KIAA1328: variants seen among roughly 807,000 people sequenced by gnomAD.
KIAA1328 encodes KIAA1328.
A neutral mutation model predicts 68.1 loss-of-function variants in KIAA1328; 52 were observed. That is an observed-to-expected ratio of 0.76 (90% CI 0.61 to 0.96). The LOEUF (loss-of-function observed/expected upper bound fraction) is 0.96. KIAA1328 is among the 40% of genes least tolerant of loss of function. The pLI, the probability that KIAA1328 is intolerant of heterozygous loss-of-function variation, is 0.00. For missense variants in KIAA1328, 641 were observed against 677.6 expected, an observed-to-expected ratio of 0.95 and a Z score of 0.60; for synonymous variants, 232 against 239.4, an observed-to-expected ratio of 0.97 and a Z score of 0.28.
At chr18:36,897,326 G>C (rs933238557) in intron 5 of KIAA1328, among the ~76,000 whole-genome samples, 2 of 151,978 alleles carry the variant, frequency 1.3e-5, no homozygotes, top group Non-Finnish European at 2.9e-5. Flanking sequence ...AATGTGGCCT[G>C]GAAAATCCAG....
In KIAA1328 at chr18:37,197,285, A is replaced by C. The variant is rs549737213; in HGVS notation, c.1523+24204A>C. Reference sequence around the variant, plus strand: ...TAAAAACCTACTTTTTGTTTTGTTGATCTTTAAAAATTTTTTGTCTCAATT... The same window carrying C: ...TAAAAACCTACTTTTTGTTTTGTTGCTCTTTAAAAATTTTTTGTCTCAATT... On this transcript the variant is annotated intron_variant, in intron 9 of 9. Transcript: ENST00000280020. Among the ~76,000 whole-genome samples the C allele has an allele frequency of 4.0e-5, 6 of 151,224 alleles. No homozygotes were observed. The East Asian group carries it at 1.2e-3, about 29-fold the overall frequency.
At chr18:37,169,298 T>C (rs2059452543) in intron 8 of KIAA1328, among the ~76,000 whole-genome samples, 1 of 151,932 alleles carries the variant, frequency 6.6e-6, no homozygotes, top group African/African-American at 2.4e-5. Flanking sequence ...CCTGAGTAAC[T>C]GGGATTACAG....
chr18:36,995,665 C>CAT (rs1236103692), intron 6 of KIAA1328, among the ~76,000 whole-genome samples: 2 of 152,172 alleles, frequency 1.3e-5, no homozygotes, highest in Admixed American at 6.5e-5. Flanking sequence ...CTTAAAATTG[C>CAT]ATATACAATG....
rs1491360015 is a variant in KIAA1328 at position 37,133,526 on chromosome 18, T to TA, written c.1233-26674_1233-26673insA. 1.5e-3 allele frequency among the ~76,000 whole-genome samples: 62 copies of TA among 42,394 alleles called. 1 individual carries two copies. The highest frequency in any genetic ancestry group is 0.013 in the African/African-American group (62 of 4,652). The allele number at this position is 42,394 out of a possible 152,430, so 27.8% of individuals were successfully genotyped here. On this transcript the variant is annotated intron_variant, in intron 7 of 9. Coordinates refer to ENST00000280020, the MANE Select transcript of KIAA1328 (RefSeq NM_020776.3). ...AAAAGTCAACTTTTCTATATAGTAA[T>TA]TTTTTTTTTTTTTTTTTGAGACGGA...
In KIAA1328 at chr18:36,876,862, T is replaced by TC. The variant is rs1177978138; in HGVS notation, c.333-8694dup. Among the ~76,000 whole-genome samples the TC allele has an allele frequency of 5.9e-5, 9 of 152,338 alleles. No homozygotes were observed. In the East Asian group the frequency reaches 1.5e-3, roughly 26 times the overall value. On this transcript the variant is annotated intron_variant, in intron 4 of 9. Transcript: ENST00000280020. ...ACCGCTTTAGCTGTGTCTCAGAGAT[T>TC]CTGGTACGTTGTGTCATTATTCTCG...
intron 7 of KIAA1328, among the ~76,000 whole-genome samples, chr18:37,138,410 T>C (rs1010759193): frequency 6.6e-6 from 1 of 152,178 alleles, no homozygotes; most frequent in Non-Finnish European, 1.5e-5. Flanking sequence ...ACTCTTCTCT[T>C]TCCTACACCA....
intron 9 of KIAA1328, among the ~76,000 whole-genome samples, chr18:37,219,583 A>C (rs1004554304): frequency 2.6e-5 from 4 of 152,150 alleles, no homozygotes; most frequent in African/African-American, 9.7e-5. Context: ...TCGATCTCAG[A>C]CTGCTGCACT....
chr18:36,849,512 A>C (rs904186550), intron 4 of KIAA1328, among the ~76,000 whole-genome samples: 1 of 152,054 alleles, frequency 6.6e-6, no homozygotes, highest in African/African-American at 2.4e-5. Flanking sequence ...AACTGGAATT[A>C]TAGAATATGG....
At chr18:37,098,888 G>A (rs2057504798) in intron 7 of KIAA1328, among the ~76,000 whole-genome samples, 1 of 152,134 alleles carries the variant, frequency 6.6e-6, no homozygotes, top group African/African-American at 2.4e-5. Context: ...TCCTCTGATT[G>A]TAGTTTGTAT....
At chr18:36,944,690 A>G (rs1299950991) in intron 5 of KIAA1328, among the ~76,000 whole-genome samples, 3 of 152,244 alleles carry the variant, frequency 2.0e-5, no homozygotes, top group African/African-American at 7.2e-5. Context: ...TATCAGTGAA[A>G]GAGATTTAAG....
intron 7 of KIAA1328, chr18:37,075,440 C>T (rs1169848006): frequency 1.3e-5 from 2 of 152,172 alleles, no homozygotes; most frequent in East Asian, 3.9e-4. Context: ...AGCAAAATAA[C>T]CAGCTAACAT....
intron 6 of KIAA1328, among the ~76,000 whole-genome samples, chr18:36,966,930 A>G (rs984415720): frequency 3.3e-5 from 5 of 152,198 alleles, no homozygotes; most frequent in Admixed American, 1.3e-4. Context: ...TAAAATTTAT[A>G]TGGAAGTGCA....
At chr18:37,174,680 A>G (rs781702657) in intron 9 of KIAA1328, among the ~76,000 whole-genome samples, 11 of 150,876 alleles carry the variant, frequency 7.3e-5, no homozygotes, top group Non-Finnish European at 1.0e-4. Flanking sequence ...TACAAGCTCC[A>G]CCTCCCAGGT....
At chr18:37,100,753 AACTGGGAGGCACCCCCCAGTAG>A (rs1281520981) in intron 7 of KIAA1328, among the ~76,000 whole-genome samples, 1 of 152,166 alleles carries the variant, frequency 6.6e-6, no homozygotes, top group Non-Finnish European at 1.5e-5. Flanking sequence ...CGAGTAGCCT[AACTGGGAGGCACCCCCCAGTAG>A]GGGCAGACCG....
At chr18:37,002,218 AT>A (rs202067756) in intron 6 of KIAA1328, among the ~76,000 whole-genome samples, 54 of 120,014 alleles carry the variant, frequency 4.5e-4, no homozygotes, top group African/African-American at 1.2e-3. Context: ...CTTTTTCTTC[AT>A]TTTTTTTTCT....
chr18:37,225,252 A>G lies in KIAA1328; in HGVS notation c.*3025A>G, dbSNP rs1346353576. The G allele has an allele frequency of 2.0e-6, 2 of 984,968 alleles. No individual in the cohort carries two copies. The highest frequency in any genetic ancestry group is 2.3e-4 in the East Asian group (2 of 8,826). The allele number at this position is 984,968 out of a possible 1,614,324, so 61.0% of individuals were successfully genotyped here. A position where few individuals can be genotyped will look rare whatever the true frequency, so the allele number is the denominator to read the frequency against. On this transcript the variant is annotated 3_prime_UTR_variant, in exon 10 of 10. Coordinates refer to ENST00000280020, the MANE Select transcript of KIAA1328 (RefSeq NM_020776.3). ...CCAACTCACGATTTATCCTCAGCTC[A>G]GAGTGTATTTTGAATATGAGCAAAT...
intron 4 of KIAA1328, among the ~76,000 whole-genome samples, chr18:36,871,266 C>T (rs1036191667): frequency 4.6e-5 from 7 of 152,182 alleles, no homozygotes; most frequent in African/African-American, 1.7e-4. Flanking sequence ...AAGGAAAAGT[C>T]TGCTCGCTAT....
intron 7 of KIAA1328, among the ~76,000 whole-genome samples, chr18:37,105,916 CAAAA>C (rs58940699): frequency 6.4e-3 from 124 of 19,476 alleles, no homozygotes; most frequent in African/African-American, 0.013. Flanking sequence ...GACTCTGTGT[CAAAA>C]AAAAAAAAAA....
chr18:37,060,745 A>G (rs1420981811), intron 6 of KIAA1328, among the ~76,000 whole-genome samples: 1 of 152,222 alleles, frequency 6.6e-6, no homozygotes, highest in Non-Finnish European at 1.5e-5. Context: ...TGCTTTATTC[A>G]TAATAACCCC....
Sources: gnomAD v4.1 joint callset for allele counts (sites outside exome capture counted in the v4.1 genomes callset) on GRCh38, gnomAD v4.1.1 for gene constraint, MANE v1.5 for transcripts, NCBI Gene and HGNC (gene_info 2026-07-23, HGNC 2026-07-21) for gene names.